Variants in RFX3 observed in about 807,000 individuals in gnomAD.
RFX3 encodes regulatory factor X3, also known as transcription factor RFX3.
Under a neutral mutation model 98.6 loss-of-function variants are expected in RFX3, and 14 were observed. The ratio of observed to expected loss-of-function variants is 0.14; its 90% CI spans 0.09 to 0.22. The LOEUF is 0.22. Ranked by LOEUF, RFX3 falls within the 10% of genes least tolerant of loss-of-function variation. RFX3 has a pLI of 1.00. For synonymous variants in RFX3, 383 were observed against 328.4 expected (o/e 1.17, Z -1.80); for missense variants, 639 against 926.9 (o/e 0.69, Z 4.03).
intron 1 of RFX3, among the ~76,000 whole-genome samples, chr9:3,415,843 ATCTC>A (rs1842936499): frequency 6.6e-6 from 1 of 152,086 alleles, no homozygotes; most frequent in Admixed American, 6.6e-5. Context: ...TGACCCCTCA[ATCTC>A]TCTATCAATT....
In RFX3 at chr9:3,248,006, G is replaced by A. The variant is rs1326084476; in HGVS notation, c.1968+26C>T. On this transcript the variant is annotated intron_variant, in intron 15 of 16. Transcript: ENST00000617270. Reference sequence around the variant, plus strand: ...TGGCTTATTTTTAATAACCCAGTGGGTCACAGCTCTTTCAGCCTCTCTTAC... The same window carrying A: ...TGGCTTATTTTTAATAACCCAGTGGATCACAGCTCTTTCAGCCTCTCTTAC... The A allele has an allele frequency of 4.3e-6, 7 of 1,613,972 alleles. No individual in the cohort carries two copies. Among genetic ancestry groups the A allele is most frequent in the Non-Finnish European group, 5.9e-6 (7 of 1,179,926 alleles).
At chr9:3,373,258 T>A (rs1838063827) in intron 2 of RFX3, among the ~76,000 whole-genome samples, 1 of 152,146 alleles carries the variant, frequency 6.6e-6, no homozygotes, top group Non-Finnish European at 1.5e-5. Context: ...TTCAACATTT[T>A]CTTAAAGCTC....
intron 2 of RFX3, among the ~76,000 whole-genome samples, chr9:3,370,607 GC>G (rs1355053857): frequency 1.3e-5 from 2 of 152,052 alleles, no homozygotes; most frequent in Non-Finnish European, 2.9e-5. Flanking sequence ...TGATAAAAAT[GC>G]CTTAATTTAA....
intron 1 of RFX3, among the ~76,000 whole-genome samples, chr9:3,524,827 GCACACACACACACACACACA>G (rs34119220): frequency 0.032 from 4,069 of 128,206 alleles, 200 homozygotes; most frequent in African/African-American, 0.11. Context: ...TAAATCACAA[GCACACACACACACACACACA>G]CACACACACA....
rs1057013242 is a variant in RFX3, at chr9:3,219,582, C to T, written c.*5460G>A. 1 of 151,808 alleles carries T rather than the reference C, an allele frequency of 6.6e-6. No individual in the cohort carries two copies. The highest frequency in any genetic ancestry group is 2.1e-4 in the South Asian group (1 of 4,822). 9.4% of individuals were successfully genotyped at this position (151,808 alleles called of 1,614,324 possible). On this transcript the variant is annotated 3_prime_UTR_variant, in exon 17 of 17. Transcript: ENST00000617270. Reference sequence around the variant, plus strand: ...TTTCAAATGAAAGGAAAAAAAAATCCTAGGCAGTCACTTTGTAAGTGGCTT... The same window carrying T: ...TTTCAAATGAAAGGAAAAAAAAATCTTAGGCAGTCACTTTGTAAGTGGCTT...
Position 3,441,325 on chromosome 9 carries a change from G to C in RFX3, c.-8-45729C>G, listed in dbSNP as rs533835062. On this transcript the variant is annotated intron_variant, in intron 1 of 16. Coordinates refer to ENST00000617270, the MANE Select transcript of RFX3 (RefSeq NM_001282116.2). ...TACAGAATTGAGAGAGAGAGAGAGA[G>C]AGAGAGATCCATGGGTTAGCACATT... 2.3e-3 allele frequency among the ~76,000 whole-genome samples: 355 copies of C among 152,224 alleles called. 1 individual carries two copies. Among genetic ancestry groups the C allele is most frequent in the Non-Finnish European group, 3.9e-3 (262 of 68,010 alleles).
chr9:3,249,328 G>C (rs1383509543), intron 14 of RFX3, among the ~76,000 whole-genome samples: 1 of 152,132 alleles, frequency 6.6e-6, no homozygotes, highest in Non-Finnish European at 1.5e-5. Flanking sequence ...TTGTCCATCT[G>C]AAACACAGAA....
chr9:3,449,218 T>C (rs1183118391), intron 1 of RFX3, among the ~76,000 whole-genome samples: 2 of 152,282 alleles, frequency 1.3e-5, no homozygotes, highest in South Asian at 4.1e-4. Flanking sequence ...TTAATTTCCT[T>C]CTGTCGTGTC....
chr9:3,523,534 C>T (rs748348699), intron 1 of RFX3, among the ~76,000 whole-genome samples: 30 of 152,042 alleles, frequency 2.0e-4, no homozygotes, highest in Non-Finnish European at 4.0e-4. Flanking sequence ...TCACAGAAAA[C>T]CTGAGCTATA....
intron 1 of RFX3, among the ~76,000 whole-genome samples, chr9:3,427,827 G>C: frequency 6.6e-6 from 1 of 152,176 alleles, no homozygotes; most frequent in East Asian, 1.9e-4. Context: ...GCCATGACTT[G>C]AAGGGAACCC....
At chr9:3,492,723 G>C (rs1850816572) in intron 1 of RFX3, among the ~76,000 whole-genome samples, 2 of 152,134 alleles carry the variant, frequency 1.3e-5, no homozygotes, top group Non-Finnish European at 1.5e-5. Flanking sequence ...AGGTGACAAA[G>C]GGTCAGCTCT....
chr9:3,466,252 G>T (rs985294576), intron 1 of RFX3, among the ~76,000 whole-genome samples: 1 of 152,046 alleles, frequency 6.6e-6, no homozygotes, highest in African/African-American at 2.4e-5. Flanking sequence ...ACTCAGGAAG[G>T]TATACATATA....
At chr9:3,353,826 C>T (rs7022682) in intron 2 of RFX3, among the ~76,000 whole-genome samples, 1 of 151,762 alleles carries the variant, frequency 6.6e-6, no homozygotes, top group Admixed American at 6.6e-5. Context: ...GGAAGTGTGA[C>T]CTGTAATCAG....
chr9:3,340,731 A>G (rs1304124989), intron 3 of RFX3, among the ~76,000 whole-genome samples: 7 of 152,212 alleles, frequency 4.6e-5, no homozygotes, highest in African/African-American at 1.2e-4. Flanking sequence ...TTAGAATGGC[A>G]ATCCTTAAAA....
intron 1 of RFX3, among the ~76,000 whole-genome samples, chr9:3,410,145 T>A (rs942529970): frequency 7.9e-6 from 1 of 125,886 alleles, no homozygotes; most frequent in African/African-American, 3.1e-5. Context: ...TTTAACACGA[T>A]TTCAAGTGAG....
chr9:3,370,642 C>G (rs1452225473), intron 2 of RFX3, among the ~76,000 whole-genome samples: 1 of 151,982 alleles, frequency 6.6e-6, no homozygotes, highest in South Asian at 2.1e-4. Flanking sequence ...AATCACTTCT[C>G]AAAACATAAT....
Position 3,504,972 on chromosome 9 carries a change from A to ATATAATATATAATATATAATATATC in RFX3, c.-9+20774_-9+20775insGATATATTATATATTATATATTATA, listed in dbSNP as rs1316211073. 1.5e-3 allele frequency among the ~76,000 whole-genome samples: 98 copies of ATATAATATATAATATATAATATATC among 66,266 alleles called. 6 individuals carry two copies. Among genetic ancestry groups the ATATAATATATAATATATAATATATC allele is most frequent in the African/African-American group, 7.1e-3 (83 of 11,708 alleles). 43.5% of individuals were successfully genotyped at this position (66,266 alleles called of 152,430 possible). On this transcript the variant is annotated intron_variant, in intron 1 of 16. Coordinates refer to ENST00000617270, the MANE Select transcript of RFX3 (RefSeq NM_001282116.2). ...ATAATATATATTATATATAATATAT[A>ATATAATATATAATATATAATATATC]TTATATAATATATATGTTATATATA...
At chr9:3,477,288 C>T (rs1587808513) in intron 1 of RFX3, among the ~76,000 whole-genome samples, 1 of 152,152 alleles carries the variant, frequency 6.6e-6, no homozygotes, top group Admixed American at 6.5e-5. Flanking sequence ...TTTAACCATT[C>T]CTCTTTATTT....
intron 15 of RFX3, among the ~76,000 whole-genome samples, chr9:3,243,946 C>T (rs2130897740): frequency 6.6e-6 from 1 of 152,074 alleles, no homozygotes; most frequent in Admixed American, 6.6e-5. Context: ...GTTGTGTGAC[C>T]TTGGGCAAGT....
Sources: gnomAD v4.1 joint callset for allele counts (sites outside exome capture counted in the v4.1 genomes callset) on GRCh38, gnomAD v4.1.1 for gene constraint, MANE v1.5 for transcripts, NCBI Gene and HGNC (gene_info 2026-07-23, HGNC 2026-07-21) for gene names.